Variants in NEB observed in about 807,000 individuals in gnomAD.
NEB encodes the protein nemaline myopathy type 2.
Under a neutral mutation model 952.2 loss-of-function variants are expected in NEB, and 512 were observed. The observed-to-expected ratio is 0.54, with a 90% CI of 0.50 to 0.58. The LOEUF is 0.58. Ranked by LOEUF, NEB falls within the 20% of genes least tolerant of loss-of-function variation. The probability of loss-of-function intolerance (pLI) is 0.00; values close to 1 mark genes in which losing one functional copy is unlikely to be tolerated. For synonymous variants in NEB, 2,900 were observed against 3,149.8 expected (o/e 0.92, Z 2.66); for missense variants, 8,428 against 9,231.1 (o/e 0.91, Z 3.56).
At position 151,692,468 on chromosome 2, in the gene NEB, T is replaced by C. The variant is rs779326223; in HGVS notation, c.1897-106A>G. The C allele has an allele frequency of 1.6e-5, 14 of 871,206 alleles. No homozygotes were observed. In the African/African-American group the frequency reaches 2.3e-4, roughly 14 times the overall value. The allele number at this position is 871,206 out of a possible 1,614,324, so 54.0% of individuals were successfully genotyped here. A position where few individuals can be genotyped will look rare whatever the true frequency, so the allele number is the denominator to read the frequency against. On this transcript the variant is annotated intron_variant, in intron 20 of 181. Transcript: ENST00000397345. ...ACTTTAACTGAAGGGGCAAAATTTATGTTTTCTCACCATCAATTTTCCACA... is the reference window on the plus strand; with the variant it reads ...ACTTTAACTGAAGGGGCAAAATTTACGTTTTCTCACCATCAATTTTCCACA...
chr2:151,547,809 A>G, intron 131 of NEB, 71 bp from the exon 132 acceptor site: 1 of 1,018,528 alleles, frequency 9.8e-7, no homozygotes, highest in East Asian at 2.6e-5. Flanking sequence ...CTAATCAAGA[A>G]TAAAATATTT....
At chr2:151,620,855 A>G (rs2098401867) in intron 72 of NEB, 64 bp downstream of exon 72, 1 of 1,248,074 alleles carries the variant, frequency 8.0e-7, no homozygotes, top group South Asian at 1.3e-5. Context: ...CCAAAGAGAC[A>G]TCCAGCTGTA....
rs758702238 is a variant in NEB, at chr2:151,631,289, A to G, written c.9472T>C (p.Ser3158Pro). Residue 3158 changes from serine (S) to proline (P), a missense_variant, in exon 66 of 182, where the codon TCT (serine) becomes CCT (proline). This residue lies in a region of NEB where 1,772 missense variants were observed against 1,960.3 expected (regional missense o/e 0.90). Coordinates refer to ENST00000397345, the MANE Select transcript of NEB (RefSeq NM_001164508.2). The stretch of plus-strand genomic sequence containing the variant: ...CTCTTGCACTTGACCACATCCATAG[A>G]CCCAATGGGGACCCAGCCAATGCCT... ...LRGIGWVPIG[S>P]MDVVKCKRAT... 1 of 1,613,742 alleles carries G rather than the reference A, an allele frequency of 6.2e-7. No individual in the cohort carries two copies. The highest frequency in any genetic ancestry group is 2.2e-5 in the East Asian group (1 of 44,850).
intron 135 of NEB, among the ~76,000 whole-genome samples, chr2:151,542,295 T>C (rs1049265011): frequency 2.0e-5 from 3 of 152,180 alleles, no homozygotes; most frequent in Non-Finnish European, 4.4e-5. Flanking sequence ...TTTCACCCAG[T>C]ACATTCTCCC....
rs114959904 is a variant in NEB at position 151,684,973 on chromosome 2, G to C, written c.2640C>G (p.Arg880=). The change falls in exon 28 of 182, where the codon CGC becomes CGG. Residue 880 remains arginine, a splice_region_variant and synonymous_variant. Transcript: ENST00000397345. ...ACTTTTCATAATCTTTTCGATATTCGCGCTGTGAATAGGAAATTATCATTT... is the reference window on the plus strand; with the variant it reads ...ACTTTTCATAATCTTTTCGATATTCCCGCTGTGAATAGGAAATTATCATTT... ...SLKTAKNQSD[R]EYRKDYEKSK... 2.5e-6 allele frequency: 4 copies of C among 1,596,912 alleles called. No homozygotes were observed. The highest frequency in any genetic ancestry group is 3.4e-6 in the Non-Finnish European group (4 of 1,169,938).
rs147255671 is a variant in NEB, at chr2:151,731,856, C to G, written c.36+1265G>C. 2.4e-3 allele frequency among the ~76,000 whole-genome samples: 361 copies of G among 152,194 alleles called. 2 individuals carry two copies. Among genetic ancestry groups the G allele is most frequent in the Admixed American group, 4.0e-3 (61 of 15,282 alleles). On this transcript the variant is annotated intron_variant, in intron 3 of 181. Coordinates refer to ENST00000397345, the MANE Select transcript of NEB (RefSeq NM_001164508.2). ...TAGTGTTTGACAGTGATATTTCTGA[C>G]CCTTAGGTACATAAGTAAAATGCAC...
chr2:151,685,719 A>G lies in NEB; in HGVS notation c.2638-744T>C, dbSNP rs77236877. Among the ~76,000 whole-genome samples, 94 of 152,322 alleles carry G rather than the reference A, an allele frequency of 6.2e-4. 2 individuals are homozygous for G. The East Asian group carries it at 0.017, about 27-fold the overall frequency. ...TTCTGGAATGGTTAGACAAGGTGCT[A>G]GTTGGGTCAAATTCCCAGCTTCATT... On this transcript the variant is annotated intron_variant, in intron 27 of 181. Transcript: ENST00000397345.
Position 151,654,104 on chromosome 2 carries a change from A to G in NEB, c.6808-5T>C, listed in dbSNP as rs887525004. On this transcript the variant is annotated splice_region_variant and splice_polypyrimidine_tract_variant and intron_variant, in intron 51 of 181. Coordinates refer to ENST00000397345, the MANE Select transcript of NEB (RefSeq NM_001164508.2). ...CCATCCAAGTTTATAGAGTTTCTGAAAATTAAAGATATTCTTCAGCATTAT... is the reference window on the plus strand; with the variant it reads ...CCATCCAAGTTTATAGAGTTTCTGAGAATTAAAGATATTCTTCAGCATTAT... 6 of 1,572,602 alleles carry G rather than the reference A, an allele frequency of 3.8e-6. No homozygotes were observed. The highest frequency in any genetic ancestry group is 5.2e-6 in the Non-Finnish European group (6 of 1,150,194).
rs1271816542 is a variant in NEB, at chr2:151,695,634, G to T, written c.1618C>A (p.Pro540Thr). The change falls in exon 18 of 182, where the codon CCC becomes ACC. Residue 540 changes from proline (P) to threonine (T), a missense_variant. Physicochemically the swap from Pro to Thr is conservative, Grantham distance 38 (BLOSUM62 -1). Coordinates refer to ENST00000397345, the MANE Select transcript of NEB (RefSeq NM_001164508.2). ...TGGATAAAAGCAGGAGTATCAGGGG[G>T]GATATGGCACTTGAACTTTTCACTT... ...HESEKFKCHIPPDTPAFIQHK... is the reference protein window; with the variant it reads ...HESEKFKCHITPDTPAFIQHK... 2.5e-6 allele frequency: 4 copies of T among 1,613,870 alleles called. No homozygotes were observed. The highest frequency in any genetic ancestry group is 3.4e-6 in the Non-Finnish European group (4 of 1,179,832).
intron 153 of NEB, among the ~76,000 whole-genome samples, chr2:151,522,329 A>C (rs574315546): frequency 9.2e-5 from 14 of 152,240 alleles, no homozygotes; most frequent in South Asian, 2.1e-4. Context: ...CTGAGAAACT[A>C]TATTAAATAC....
At chr2:151,685,368 T>C (rs542967158) in intron 27 of NEB, among the ~76,000 whole-genome samples, 2 of 152,276 alleles carry the variant, frequency 1.3e-5, no homozygotes, top group South Asian at 2.1e-4. Flanking sequence ...CATATGACAA[T>C]TGGATTTTAA....
Position 151,519,690 on chromosome 2 carries a change from C to T in NEB, c.22558G>A (p.Val7520Ile). 1 of 1,612,600 alleles carries T rather than the reference C, an allele frequency of 6.2e-7. No individual in the cohort carries two copies. Among genetic ancestry groups the T allele is most frequent in the Non-Finnish European group, 8.5e-7 (1 of 1,178,910 alleles). Residue 7520 changes from valine (V) to isoleucine (I), a missense_variant, in exon 154 of 182, where the codon GTC (valine) becomes ATC (isoleucine). Around this residue, in one of 11 missense-constraint regions of NEB, gnomAD observed 3,374 missense variants for 3,651.5 expected, o/e 0.92. Coordinates refer to ENST00000397345, the MANE Select transcript of NEB (RefSeq NM_001164508.2). ...GCAAGATTATTAGCATCTTTCATGA[C>T]TTTGTAGAGCTGGCTGTCTTTTGGA... ...YNPKDSQLYK[V>I]MKDANNLASE... is the part of the protein sequence containing the mutation.
chr2:151,578,057 A>G lies in NEB; in HGVS notation c.16704+1281T>C, dbSNP rs542686767. Among the ~76,000 whole-genome samples the G allele has an allele frequency of 2.2e-4, 34 of 152,338 alleles. 1 individual carries two copies. In the East Asian group the frequency reaches 6.6e-3, roughly 29 times the overall value. On this transcript the variant is annotated intron_variant, in intron 105 of 181. Coordinates refer to ENST00000397345, the MANE Select transcript of NEB (RefSeq NM_001164508.2). ...ATATACCACTTGGCAATGCATTTTAAGTGATGAGCATGCTTTCCTGTAATG... is the reference window on the plus strand; with the variant it reads ...ATATACCACTTGGCAATGCATTTTAGGTGATGAGCATGCTTTCCTGTAATG...
chr2:151,531,920 A>G, intron 143 of NEB, 24 bp from the exon 144 acceptor site: 1 of 1,487,410 alleles, frequency 6.7e-7, no homozygotes, highest in Non-Finnish European at 9.3e-7. Flanking sequence ...GAGAAGAAAG[A>G]GCTCTAAGAA....
chr2:151,656,376 A>C lies in NEB; in HGVS notation c.6272T>G (p.Met2091Arg), dbSNP rs2099085545. Residue 2091 changes from methionine (M) to arginine (R), a missense_variant, in exon 49 of 182, where the codon ATG (methionine) becomes AGG (arginine). Physicochemically the swap from Met to Arg is moderately conservative, Grantham distance 91. Coordinates refer to ENST00000397345, the MANE Select transcript of NEB (RefSeq NM_001164508.2). ...LEDDPKLVHS[M>R]QVAKMQSDRE... is the part of the protein sequence containing the mutation. ...ATCAGATTGCATCTTAGCCACTTGC[A>C]TGGAATGGACTAATTTGGGATCATC... 2.5e-6 allele frequency: 4 copies of C among 1,613,546 alleles called. No individual in the cohort carries two copies. The highest frequency in any genetic ancestry group is 3.4e-6 in the Non-Finnish European group (4 of 1,179,728).
intron 24 of NEB, among the ~76,000 whole-genome samples, chr2:151,688,694 G>C (rs2099521959): frequency 6.6e-6 from 1 of 152,050 alleles, no homozygotes; most frequent in Non-Finnish European, 1.5e-5. Flanking sequence ...CTGTGATAAA[G>C]TTTAATTTAT....
rs772449564 is a variant in NEB, at chr2:151,663,790, G to T, written c.5521C>A (p.Pro1841Thr). Reference sequence around the variant, plus strand: ...ACTTGCATGAAGTGCACCAGCTTGGGGTCATCTTCCAGGCTCCGGAAGCCA... The same window carrying T: ...ACTTGCATGAAGTGCACCAGCTTGGTGTCATCTTCCAGGCTCCGGAAGCCA... ...HIGFRSLEDD[P>T]KLVHFMQVAK... The change falls in exon 45 of 182, where the codon CCC (proline) becomes ACC (threonine). Residue 1841 changes from proline to threonine, a missense_variant. Transcript: ENST00000397345. 6.2e-7 allele frequency: 1 copy of T among 1,613,748 alleles called. No individual in the cohort carries two copies. The highest frequency in any genetic ancestry group is 8.5e-7 in the Non-Finnish European group (1 of 1,179,760).
intron 119 of NEB, 28 bp downstream of exon 119, chr2:151,563,577 AT>A: frequency 6.3e-7 from 1 of 1,575,054 alleles, no homozygotes; most frequent in Non-Finnish European, 8.7e-7. Context: ...TGGGGCACAA[AT>A]CCCGTGTTAA....
At chr2:151,557,369 G>C (rs2095722577) in intron 124 of NEB, among the ~76,000 whole-genome samples, 1 of 152,136 alleles carries the variant, frequency 6.6e-6, no homozygotes, top group African/African-American at 2.4e-5. Flanking sequence ...AATTGAGGCA[G>C]TAATTAATAG....
Sources: gnomAD v4.1 joint callset for allele counts (sites outside exome capture counted in the v4.1 genomes callset) on GRCh38, gnomAD v4.1.1 for gene constraint, gnomAD v4.1.1 regional missense constraint, MANE v1.5 for transcripts, NCBI Gene and HGNC (gene_info 2026-07-23, HGNC 2026-07-21) for gene names.